LANCL2: variants seen among roughly 807,000 people sequenced by gnomAD.
LANCL2 encodes lanC-like protein 2.
In LANCL2, 33 loss-of-function variants were observed where a neutral mutation model predicts 56.9. The observed-to-expected ratio is 0.58, with a 90% CI of 0.44 to 0.78. The LOEUF is 0.78. Ranked by LOEUF, LANCL2 falls within the 30% of genes least tolerant of loss-of-function variation. The pLI, the probability that LANCL2 is intolerant of heterozygous loss-of-function variation, is 0.00. For synonymous variants in LANCL2, 233 were observed against 228.2 expected (o/e 1.02, Z -0.19); for missense variants, 562 against 580.2 (o/e 0.97, Z 0.32).
At chr7:55,404,359 A>G (rs762384749) in intron 5 of LANCL2, among the ~76,000 whole-genome samples, 1 of 152,148 alleles carries the variant, frequency 6.6e-6, no homozygotes, top group Non-Finnish European at 1.5e-5. Context: ...CAAAACTACA[A>G]AACTAGTAAG....
intron 2 of LANCL2, among the ~76,000 whole-genome samples, chr7:55,396,258 G>A (rs1189847085): frequency 8.1e-6 from 1 of 123,602 alleles, no homozygotes; most frequent in African/African-American, 2.5e-5. Context: ...GGTCTTCATG[G>A]TGAGTATCAG....
chr7:55,417,248 G>A (rs1790554624), intron 6 of LANCL2, among the ~76,000 whole-genome samples: 1 of 151,826 alleles, frequency 6.6e-6, no homozygotes, highest in Admixed American at 6.6e-5. Flanking sequence ...CAAAGTGCTG[G>A]GATTACAGGC....
chr7:55,375,502 G>T (rs1345987886), intron 1 of LANCL2, among the ~76,000 whole-genome samples: 1 of 152,088 alleles, frequency 6.6e-6, no homozygotes, highest in Admixed American at 6.5e-5. Context: ...CTTCCTCCAG[G>T]GTCTTCCTCA....
chr7:55,381,037 A>G (rs1478002593), intron 1 of LANCL2, among the ~76,000 whole-genome samples: 1 of 151,758 alleles, frequency 6.6e-6, no homozygotes, highest in Admixed American at 6.6e-5. Flanking sequence ...ACGCCTGGCT[A>G]ATTTTGTGTT....
chr7:55,393,109 T>C (rs959321098), intron 2 of LANCL2, among the ~76,000 whole-genome samples: 1 of 152,252 alleles, frequency 6.6e-6, no homozygotes, highest in Non-Finnish European at 1.5e-5. Context: ...ATTCTAATAA[T>C]TATTCGGGGA....
At chr7:55,373,400 C>G (rs1351166629) in intron 1 of LANCL2, among the ~76,000 whole-genome samples, 3 of 152,014 alleles carry the variant, frequency 2.0e-5, no homozygotes, top group Non-Finnish European at 4.4e-5. Context: ...AAGAGATCCT[C>G]CCACCTCAGC....
rs933453921 is a variant in LANCL2 at position 55,432,838 on chromosome 7, A to T, written c.*1518A>T. ...GAGTCATTATTTTCTTTCATGTTAG[A>T]TTGATGACTTCTGTGAATAGAAATC... On this transcript the variant is annotated 3_prime_UTR_variant, in exon 9 of 9. Coordinates refer to ENST00000254770, the MANE Select transcript of LANCL2 (RefSeq NM_018697.4). The T allele has an allele frequency of 2.6e-5, 4 of 152,104 alleles. No individual in the cohort carries two copies. The highest frequency in any genetic ancestry group is 9.7e-5 in the African/African-American group (4 of 41,384). The allele number at this position is 152,104 out of a possible 1,614,324, so 9.4% of individuals were successfully genotyped here.
chr7:55,373,280 T>C (rs1409191897), intron 1 of LANCL2, among the ~76,000 whole-genome samples: 6 of 64,144 alleles, frequency 9.4e-5, no homozygotes, highest in African/African-American at 4.3e-4. Flanking sequence ...TTTAAATATT[T>C]ATTTATTTAT....
chr7:55,398,592 A>C lies in LANCL2; in HGVS notation c.492A>C (p.Lys164Asn). ...CTGTTGGAGCTGTGATTTATCACAA[A>C]CTCAGAAGTGACTGTGAGTCCCAGG... Reference protein sequence around the residue: ...PLAVGAVIYHKLRSDCESQEC... With the variant: ...PLAVGAVIYHNLRSDCESQEC... The change falls in exon 3 of 9, where the codon AAA becomes AAC. Residue 164 changes from lysine (K) to asparagine (N), a missense_variant. Lys to Asn is a moderately conservative substitution (Grantham distance 94). Around this residue, in one of 2 missense-constraint regions of LANCL2, gnomAD observed 378 missense variants for 468.4 expected, o/e 0.81. Transcript: ENST00000254770. 6.2e-7 allele frequency: 1 copy of C among 1,613,976 alleles called. No individual in the cohort carries two copies. The highest frequency in any genetic ancestry group is 8.5e-7 in the Non-Finnish European group (1 of 1,180,018).
intron 6 of LANCL2, among the ~76,000 whole-genome samples, chr7:55,417,181 G>A (rs997243666): frequency 4.0e-5 from 6 of 151,896 alleles, no homozygotes; most frequent in East Asian, 1.9e-4. Flanking sequence ...GGGTTTCACC[G>A]TGTTAGCCGG....
At chr7:55,386,633 C>T (rs150002677) in intron 1 of LANCL2, among the ~76,000 whole-genome samples, 1,848 of 152,248 alleles carry the variant, frequency 0.012, 39 homozygotes, top group African/African-American at 0.04. Context: ...TTAGCTTATC[C>T]GGCTTTTTTT....
intron 5 of LANCL2, among the ~76,000 whole-genome samples, chr7:55,404,275 C>T (rs1255570265): frequency 6.6e-6 from 1 of 152,144 alleles, no homozygotes; most frequent in African/African-American, 2.4e-5. Flanking sequence ...CCCTCCTCTA[C>T]CTTTCTTCCT....
intron 1 of LANCL2, among the ~76,000 whole-genome samples, chr7:55,375,378 A>G (rs978421429): frequency 6.6e-5 from 10 of 152,216 alleles, no homozygotes; most frequent in African/African-American, 2.4e-4. Context: ...AGGAATGCCC[A>G]TGGCATTCTC....
At chr7:55,375,337 G>A (rs1227781228) in intron 1 of LANCL2, among the ~76,000 whole-genome samples, 4 of 152,204 alleles carry the variant, frequency 2.6e-5, no homozygotes, top group African/African-American at 4.8e-5. Flanking sequence ...TGCATATTCC[G>A]TAGTTTTCAG....
Position 55,366,179 on chromosome 7 carries a change from C to T in LANCL2, c.154C>T (p.Pro52Ser), listed in dbSNP as rs781318029. ...GGCCGAAGAGACAGGCTGTGTTCGTCCCCCGGCGACCACGGATGAGCCCGG... is the reference window on the plus strand; with the variant it reads ...GGCCGAAGAGACAGGCTGTGTTCGTTCCCCGGCGACCACGGATGAGCCCGG... ...GAAEETGCVR[P>S]PATTDEPGLP... Residue 52 changes from proline (P) to serine (S), a missense_variant, in exon 1 of 9, where the codon CCC becomes TCC. By Grantham distance (74) the Pro-to-Ser change is moderately conservative (BLOSUM62 -1). Transcript: ENST00000254770. The T allele has an allele frequency of 1.2e-5, 18 of 1,556,410 alleles. No individual in the cohort carries two copies. The highest frequency in any genetic ancestry group is 8.3e-5 in the South Asian group (7 of 84,362).
At chr7:55,416,835 T>C (rs1013967079) in intron 6 of LANCL2, among the ~76,000 whole-genome samples, 5 of 152,146 alleles carry the variant, frequency 3.3e-5, no homozygotes, top group African/African-American at 1.2e-4. Context: ...GTGTTTTGTC[T>C]AAGAAACCTT....
intron 2 of LANCL2, 78 bp downstream of exon 2, chr7:55,391,988 C>A: frequency 1.1e-6 from 1 of 890,774 alleles, no homozygotes; most frequent in Non-Finnish European, 1.8e-6. Flanking sequence ...AAATTTTCTT[C>A]TCTTTTAAAA....
Position 55,432,786 on chromosome 7 carries a change from C to G in LANCL2, c.*1466C>G, listed in dbSNP as rs978414130. On this transcript the variant is annotated 3_prime_UTR_variant, in exon 9 of 9. Coordinates refer to ENST00000254770, the MANE Select transcript of LANCL2 (RefSeq NM_018697.4). ...AGCTTCTAAACGATGCCTGGAGAGT[C>G]TGTTTGCTGCAGACACCCTTGCTCC... The G allele has an allele frequency of 6.6e-6, 1 of 152,228 alleles. No individual in the cohort carries two copies. The highest frequency in any genetic ancestry group is 2.4e-5 in the African/African-American group (1 of 41,460). The allele number at this position is 152,228 out of a possible 1,614,324, so 9.4% of individuals were successfully genotyped here.
intron 1 of LANCL2, among the ~76,000 whole-genome samples, chr7:55,375,729 A>G (rs1444100977): frequency 6.6e-6 from 1 of 152,224 alleles, no homozygotes; most frequent in African/African-American, 2.4e-5. Context: ...CCAAAGTCAA[A>G]GCATCTTCAA....
Sources: gnomAD v4.1 joint callset for allele counts (sites outside exome capture counted in the v4.1 genomes callset) on GRCh38, gnomAD v4.1.1 for gene constraint, gnomAD v4.1.1 regional missense constraint, MANE v1.5 for transcripts, NCBI Gene and HGNC (gene_info 2026-07-23, HGNC 2026-07-21) for gene names.